AGO1: variants seen among roughly 807,000 people sequenced by gnomAD.
The protein encoded by AGO1 is protein argonaute-1.
In AGO1, 11 loss-of-function variants were observed where a neutral mutation model predicts 109.2. That is an observed-to-expected ratio of 0.10 (90% CI 0.06 to 0.17). The LOEUF is 0.17. Among genes scored for constraint, AGO1 ranks in the 10% least tolerant of loss-of-function variants. The pLI, the probability that AGO1 is intolerant of heterozygous loss-of-function variation, is 1.00. For missense variants in AGO1, 574 were observed against 1,140.3 expected, an observed-to-expected ratio of 0.50 and a Z score of 7.15; for synonymous variants, 422 against 418.6, an observed-to-expected ratio of 1.01 and a Z score of -0.10.
chr1:35,904,375 G>C (rs1035511875), intron 11 of AGO1, among the ~76,000 whole-genome samples: 15 of 152,130 alleles, frequency 9.9e-5, no homozygotes, highest in African/African-American at 3.6e-4. Context: ...AAAGTACTGG[G>C]ATCACAGGCG....
At chr1:35,879,493 C>A (rs575351555), upstream of AGO1, among the ~76,000 whole-genome samples, 1 of 148,356 alleles carries the variant, frequency 6.7e-6, no homozygotes. Flanking sequence ...CGCAGTGGCT[C>A]ACTCCTGTAA....
Position 35,902,294 on chromosome 1 carries a change from G to A in AGO1, c.1354G>A (p.Ala452Thr). ...GATTGAGATCAAAGTCTGGGCCATC[G>A]CCTGCTTCGCACCCCAAAAACAGTG... ...NGIEIKVWAI[A>T]CFAPQKQCRE... Residue 452 changes from alanine (A) to threonine (T), a missense_variant, in exon 11 of 19, where the codon GCC (alanine) becomes ACC (threonine). Physicochemically the swap from Ala to Thr is moderately conservative, Grantham distance 58 (BLOSUM62 0). Transcript: ENST00000373204. 3.1e-6 allele frequency: 5 copies of A among 1,614,176 alleles called. No individual in the cohort carries two copies. The highest frequency in any genetic ancestry group is 4.2e-6 in the Non-Finnish European group (5 of 1,180,028).
intron 1 of AGO1, among the ~76,000 whole-genome samples, chr1:35,870,334 G>A (rs764144100): frequency 3.9e-5 from 6 of 151,926 alleles, no homozygotes; most frequent in Admixed American, 3.9e-4. Flanking sequence ...CCCAGGCTGG[G>A]GTGCAGTGGC....
rs1209679291 is a variant in AGO1, at chr1:35,926,256, C to G, written c.*6649C>G. 3 of 152,198 alleles carry G rather than the reference C, an allele frequency of 2.0e-5. No individual in the cohort carries two copies. Among genetic ancestry groups the G allele is most frequent in the Non-Finnish European group, 4.4e-5 (3 of 68,040 alleles). 9.4% of individuals were successfully genotyped at this position (152,198 alleles called of 1,614,324 possible). ...TCAGGATTTGCCTGTGGTTGCTACT[C>G]AAGTTAAAAAGACTGGGAGCCTGCA... is the stretch of plus-strand genomic sequence containing the variant. On this transcript the variant is annotated 3_prime_UTR_variant, in exon 19 of 19. Coordinates refer to ENST00000373204, the MANE Select transcript of AGO1 (RefSeq NM_012199.5).
chr1:35,888,401 C>T lies in AGO1; in HGVS notation c.26-26C>T, dbSNP rs201733576. On this transcript the variant is annotated intron_variant, in intron 1 of 18. Coordinates refer to ENST00000373204, the MANE Select transcript of AGO1 (RefSeq NM_012199.5). The surrounding 1 kb of genome is among the most constrained non-coding windows in gnomAD (Gnocchi z 4.1). ...GTAGTTAGGAGATTGCCAGACTTTACCCTCACCAGCCTCTTTGTCTTGTAG... is the reference window on the plus strand; with the variant it reads ...GTAGTTAGGAGATTGCCAGACTTTATCCTCACCAGCCTCTTTGTCTTGTAG... 10 of 1,611,350 alleles carry T rather than the reference C, an allele frequency of 6.2e-6. No homozygotes were observed. The East Asian group carries it at 2.0e-4, about 32-fold the overall frequency.
At chr1:35,903,023 T>TA (rs1281129783) in intron 11 of AGO1, among the ~76,000 whole-genome samples, 13 of 148,482 alleles carry the variant, frequency 8.8e-5, no homozygotes, top group East Asian at 2.0e-4. Context: ...TTTTTTTTTT[T>TA]AAGACAGAGT....
At position 35,929,321 on chromosome 1, in the gene AGO1, A is replaced by G. The variant is rs1051559876; in HGVS notation, c.*9714A>G. 6.6e-6 allele frequency: 1 copy of G among 152,252 alleles called. No individual in the cohort carries two copies. The highest frequency in any genetic ancestry group is 2.4e-5 in the African/African-American group (1 of 41,466). 9.4% of individuals were successfully genotyped at this position (152,252 alleles called of 1,614,324 possible). A position where few individuals can be genotyped will look rare whatever the true frequency, so the allele number is the denominator to read the frequency against. On this transcript the variant is annotated 3_prime_UTR_variant, in exon 19 of 19. Transcript: ENST00000373204. ...TCCTGGATAGCAGAAGTAGATAGGAAGGCATCATTGACATTTACTGAGATG... is the reference window on the plus strand; with the variant it reads ...TCCTGGATAGCAGAAGTAGATAGGAGGGCATCATTGACATTTACTGAGATG...
intron 2 of AGO1, among the ~76,000 whole-genome samples, chr1:35,892,010 T>A (rs978602841): frequency 6.6e-6 from 1 of 152,106 alleles, no homozygotes; most frequent in African/African-American, 2.4e-5. Context: ...CCCAAACAAC[T>A]GGGATTATAG....
intron 11 of AGO1, among the ~76,000 whole-genome samples, chr1:35,906,420 C>T (rs1645520285): frequency 6.6e-6 from 1 of 152,162 alleles, no homozygotes; most frequent in Non-Finnish European, 1.5e-5. Context: ...CGTCTCCTTG[C>T]TTGTACCATC....
intron 14 of AGO1, among the ~76,000 whole-genome samples, chr1:35,914,676 C>T (rs1381437850): frequency 6.6e-6 from 1 of 152,188 alleles, no homozygotes; most frequent in African/African-American, 2.4e-5. Flanking sequence ...AGATGTTTCT[C>T]TTATCTCTCT....
chr1:35,906,483 C>T (rs553629089), intron 11 of AGO1, among the ~76,000 whole-genome samples: 1 of 152,250 alleles, frequency 6.6e-6, no homozygotes, highest in Admixed American at 6.5e-5. Context: ...ATATTTTTTA[C>T]ATTAGCTATT....
rs1234036185 is a variant in AGO1 at position 35,902,187 on chromosome 1, C to G, written c.1264-17C>G. 1 of 1,610,986 alleles carries G rather than the reference C, an allele frequency of 6.2e-7. No individual in the cohort carries two copies. Among genetic ancestry groups the G allele is most frequent in the South Asian group, 1.1e-5 (1 of 90,646 alleles). On this transcript the variant is annotated splice_polypyrimidine_tract_variant and intron_variant, in intron 10 of 18. Transcript: ENST00000373204. ...TCTACTGAGGCTCACCTAGGCGCCC[C>G]CTCTACCTATCCCCAGAACCGGGCC... is the stretch of plus-strand genomic sequence containing the variant.
At chr1:35,907,705 A>G (rs1424516177) in intron 12 of AGO1, among the ~76,000 whole-genome samples, 2 of 152,170 alleles carry the variant, frequency 1.3e-5, no homozygotes, top group Admixed American at 1.3e-4. Context: ...TCTTATTCCC[A>G]ACCCATCCTG....
intron 1 of AGO1, among the ~76,000 whole-genome samples, chr1:35,887,892 T>G (rs572924937): frequency 1.3e-5 from 2 of 152,180 alleles, no homozygotes; most frequent in Non-Finnish European, 2.9e-5. Flanking sequence ...CTCTCGCCAT[T>G]CAGTTGCCTT....
At chr1:35,902,359 G>T in intron 11 of AGO1, 22 bp downstream of exon 11, 1 of 1,609,836 alleles carries the variant, frequency 6.2e-7, no homozygotes, top group South Asian at 1.1e-5. Flanking sequence ...TCGCTGTAGG[G>T]GTGGAAGGGT....
chr1:35,896,004 CT>C (rs546982959), intron 8 of AGO1, among the ~76,000 whole-genome samples: 88 of 145,966 alleles, frequency 6.0e-4, no homozygotes, highest in Middle Eastern at 3.6e-3. Flanking sequence ...GAATCAGAAT[CT>C]TTTTTTTTTT....
chr1:35,877,076 G>A (rs7519054), intron 1 of AGO1, among the ~76,000 whole-genome samples: 122 of 152,302 alleles, frequency 8.0e-4, no homozygotes, highest in African/African-American at 2.8e-3. Context: ...TGGGGCCTTC[G>A]TGTGTGCTAG....
At chr1:35,896,265 C>T (rs1645317079) in intron 8 of AGO1, among the ~76,000 whole-genome samples, 1 of 152,320 alleles carries the variant, frequency 6.6e-6, no homozygotes, top group South Asian at 2.1e-4. Context: ...TCCCAAAGTG[C>T]TGGGATTACA....
At chr1:35,906,826 C>A (rs901460942) in intron 11 of AGO1, 109 bp from the exon 12 acceptor site, 362 of 639,176 alleles carry the variant, frequency 5.7e-4, no homozygotes, top group Admixed American at 1.3e-3. Flanking sequence ...AAAAAAAAAA[C>A]CAATCTCTCA....
Sources: allele counts gnomAD v4.1 joint callset (sites outside exome capture counted in the v4.1 genomes callset), GRCh38; gene constraint gnomAD v4.1.1; non-coding constraint Gnocchi (gnomAD v3.1); transcripts MANE v1.5; gene names NCBI Gene and HGNC (gene_info 2026-07-23, HGNC 2026-07-21).